Variants in GALNTL6 observed in about 807,000 individuals in gnomAD.
GALNTL6 encodes polypeptide N-acetylgalactosaminyltransferase like 6, also known as polypeptide N-acetylgalactosaminyltransferase-like 6.
In GALNTL6, 46 loss-of-function variants were observed where a neutral mutation model predicts 73.7. The ratio of observed to expected loss-of-function variants is 0.62; its 90% confidence interval spans 0.49 to 0.80. The LOEUF is 0.80. Ranked by LOEUF, GALNTL6 falls within the 30% of genes least tolerant of loss-of-function variation. GALNTL6 has a pLI of 0.00. For synonymous variants in GALNTL6, 259 were observed against 263.7 expected, an observed-to-expected ratio of 0.98 and a Z score of 0.17; for missense variants, 604 against 755.0, an observed-to-expected ratio of 0.80 and a Z score of 2.34.
At chr4:172,599,572 T>G (rs1579228445) in intron 5 of GALNTL6, among the ~76,000 whole-genome samples, 1 of 152,288 alleles carries the variant, frequency 6.6e-6, no homozygotes, top group East Asian at 1.9e-4. Context: ...GCTTTATCTT[T>G]TTGAGAAAGG....
intron 7 of GALNTL6, among the ~76,000 whole-genome samples, chr4:172,825,289 G>T (rs1742203420): frequency 6.6e-6 from 1 of 152,002 alleles, no homozygotes; most frequent in African/African-American, 2.4e-5. Context: ...GCATAATTCA[G>T]TGGAAAGGCT....
At chr4:172,494,272 T>A (rs1352850788) in intron 5 of GALNTL6, among the ~76,000 whole-genome samples, 1 of 152,224 alleles carries the variant, frequency 6.6e-6, no homozygotes, top group Non-Finnish European at 1.5e-5. Context: ...TCAGCCTTGC[T>A]ATATAGAAGT....
intron 2 of GALNTL6, among the ~76,000 whole-genome samples, chr4:172,216,688 A>G (rs1560974025): frequency 6.6e-6 from 1 of 152,128 alleles, no homozygotes. Context: ...TGTTTTATCA[A>G]CAAAAAGAGT....
chr4:172,711,768 G>C (rs1734722378), intron 5 of GALNTL6, among the ~76,000 whole-genome samples: 1 of 152,168 alleles, frequency 6.6e-6, no homozygotes, highest in Non-Finnish European at 1.5e-5. Flanking sequence ...GTCTGAGCTA[G>C]AGACAGGCAC....
intron 2 of GALNTL6, among the ~76,000 whole-genome samples, chr4:172,122,106 T>A (rs192308137): frequency 4.0e-5 from 6 of 151,256 alleles, no homozygotes; most frequent in Admixed American, 3.3e-4. Flanking sequence ...ATAGAGCAAT[T>A]TTATCATCTA....
intron 2 of GALNTL6, among the ~76,000 whole-genome samples, chr4:172,050,570 G>A (rs1452749544): frequency 1.3e-5 from 2 of 152,176 alleles, no homozygotes; most frequent in Non-Finnish European, 2.9e-5. Flanking sequence ...TCAGAGTTTA[G>A]TCCTTAGCAC....
chr4:172,211,985 C>A (rs1005286224), intron 2 of GALNTL6, among the ~76,000 whole-genome samples: 1 of 152,150 alleles, frequency 6.6e-6, no homozygotes, highest in Non-Finnish European at 1.5e-5. Context: ...CCGACCATAG[C>A]AAGGTGCTTA....
intron 2 of GALNTL6, among the ~76,000 whole-genome samples, chr4:172,224,673 A>C (rs2110955814): frequency 6.6e-6 from 1 of 152,308 alleles, no homozygotes; most frequent in African/African-American, 2.4e-5. Context: ...AGCAGGCATC[A>C]CCAGAGCCCA....
Position 172,765,159 on chromosome 4 carries a change from A to G in GALNTL6, c.554-44202A>G, listed in dbSNP as rs1579452071. On this transcript the variant is annotated intron_variant, in intron 5 of 12. Coordinates refer to ENST00000506823, the MANE Select transcript of GALNTL6 (RefSeq NM_001034845.3). Reference sequence around the variant, plus strand: ...CTTCAGGAGGATGTGCTAAGGAGGCAATTAAGACAAAAATGAAACCAGCAA... The same window carrying G: ...CTTCAGGAGGATGTGCTAAGGAGGCGATTAAGACAAAAATGAAACCAGCAA... 4.6e-5 allele frequency among the ~76,000 whole-genome samples: 7 copies of G among 152,328 alleles called. No individual in the cohort carries two copies. In the South Asian group the frequency reaches 1.5e-3, roughly 32 times the overall value.
chr4:172,235,322 C>T (rs1453636952), intron 3 of GALNTL6, among the ~76,000 whole-genome samples: 1 of 152,024 alleles, frequency 6.6e-6, no homozygotes, highest in African/African-American at 2.4e-5. Flanking sequence ...ATTCTCCTGC[C>T]TCAGCCTCCC....
chr4:171,903,803 G>A (rs528592713), intron 2 of GALNTL6, among the ~76,000 whole-genome samples: 13 of 151,744 alleles, frequency 8.6e-5, no homozygotes, highest in East Asian at 3.9e-4. Context: ...ATCTGAGAAC[G>A]GGCAGACTGC....
chr4:171,989,983 G>C lies in GALNTL6; in HGVS notation c.138+175265G>C, dbSNP rs1018737164. On this transcript the variant is annotated intron_variant, in intron 2 of 12. Coordinates refer to ENST00000506823, the MANE Select transcript of GALNTL6 (RefSeq NM_001034845.3). ...TTTAAGAGCAAATTGCTGGGCAGGT[G>C]GGGGAGGGCTAGTCACGGAAGGAAA... 5.8e-4 allele frequency among the ~76,000 whole-genome samples: 89 copies of C among 152,208 alleles called. 1 individual carries two copies. Among genetic ancestry groups the C allele is most frequent in the African/African-American group, 2.1e-3 (86 of 41,532 alleles).
chr4:172,382,155 A>G lies in GALNTL6; in HGVS notation c.553+33466A>G, dbSNP rs187259793. On this transcript the variant is annotated intron_variant, in intron 5 of 12. Coordinates refer to ENST00000506823, the MANE Select transcript of GALNTL6 (RefSeq NM_001034845.3). ...GCTAATTTTTGGAGTTTTAGTAGAG[A>G]CAGGGGTTTCACCATTTTGGCAAGG... 3.5e-3 allele frequency among the ~76,000 whole-genome samples: 526 copies of G among 152,224 alleles called. 2 individuals carry two copies. The highest frequency in any genetic ancestry group is 0.012 in the African/African-American group (488 of 41,518).
intron 5 of GALNTL6, among the ~76,000 whole-genome samples, chr4:172,469,932 T>C (rs1347475427): frequency 6.6e-6 from 1 of 152,188 alleles, no homozygotes; most frequent in Non-Finnish European, 1.5e-5. Context: ...TTTACTACTA[T>C]TGTTAGACTT....
chr4:172,777,880 A>G (rs566737692), intron 5 of GALNTL6, among the ~76,000 whole-genome samples: 20 of 152,336 alleles, frequency 1.3e-4, no homozygotes, highest in South Asian at 1.0e-3. Flanking sequence ...ACTGTATACC[A>G]CATGACAGTG....
At chr4:172,661,988 T>C (rs1010060453) in intron 5 of GALNTL6, among the ~76,000 whole-genome samples, 1 of 152,162 alleles carries the variant, frequency 6.6e-6, no homozygotes, top group African/African-American at 2.4e-5. Flanking sequence ...GAGAAACCTG[T>C]AGACAGGCTA....
intron 7 of GALNTL6, among the ~76,000 whole-genome samples, chr4:172,838,239 G>A: frequency 6.6e-6 from 1 of 152,192 alleles, no homozygotes; most frequent in East Asian, 1.9e-4. Flanking sequence ...AAGGTGATCA[G>A]GAATTTTGAA....
chr4:172,235,494 A>G (rs956438321), intron 3 of GALNTL6, among the ~76,000 whole-genome samples: 1 of 152,190 alleles, frequency 6.6e-6, no homozygotes, highest in African/African-American at 2.4e-5. Context: ...GGCATGAGCC[A>G]TTGTGCCAGG....
intron 12 of GALNTL6, among the ~76,000 whole-genome samples, chr4:173,028,182 G>A (rs749736417): frequency 6.6e-6 from 1 of 152,122 alleles, no homozygotes; most frequent in Non-Finnish European, 1.5e-5. Flanking sequence ...CATGGAAAAT[G>A]TAAGGGACAA....
Sources: gnomAD v4.1 joint callset for allele counts (sites outside exome capture counted in the v4.1 genomes callset) on GRCh38, gnomAD v4.1.1 for gene constraint, MANE v1.5 for transcripts, NCBI Gene and HGNC (gene_info 2026-07-23, HGNC 2026-07-21) for gene names.